The following AFG1L variants were observed in gnomAD, a reference collection of about 807,000 sequenced individuals.
AFG1L encodes AFG1-like ATPase.
Under a neutral mutation model 62.2 loss-of-function variants are expected in AFG1L, and 53 were observed. The ratio of observed to expected loss-of-function variants is 0.85; its 90% CI spans 0.68 to 1.07. The LOEUF is 1.07. AFG1L is among the 50% of genes least tolerant of loss of function. AFG1L has a pLI of 0.00. For missense variants in AFG1L, 555 were observed against 590.5 expected (o/e 0.94, Z 0.62); for synonymous variants, 228 against 210.3 (o/e 1.08, Z -0.73).
chr6:108,429,250 T>C (rs1047356441), intron 7 of AFG1L, among the ~76,000 whole-genome samples: 7 of 152,190 alleles, frequency 4.6e-5, no homozygotes, highest in African/African-American at 1.7e-4. Context: ...ACTAGGTAAT[T>C]TATAAAGGAA....
Position 108,323,896 on chromosome 6 carries a change from G to A in AFG1L, c.211G>A (p.Val71Ile), listed in dbSNP as rs186208029. ...TSETYLKALAVCHGPLDHYDF... is the reference protein window; with the variant it reads ...TSETYLKALAICHGPLDHYDF... The stretch of plus-strand genomic sequence containing the variant: ...AGAGACTTATTTGAAAGCTTTGGCC[G>A]TTTGCCATGGACCTCTGGACCACTA... The change falls in exon 2 of 13, where the codon GTT (valine) becomes ATT (isoleucine). Residue 71 changes from valine (V) to isoleucine (I), a missense_variant. By Grantham distance (29) the Val-to-Ile change is conservative (BLOSUM62 3). Coordinates refer to ENST00000368977, the MANE Select transcript of AFG1L (RefSeq NM_145315.5). 1.3e-4 allele frequency: 216 copies of A among 1,614,120 alleles called. 1 individual carries two copies. Among genetic ancestry groups the A allele is most frequent in the East Asian group, 1.2e-3 (56 of 44,880 alleles).
chr6:108,423,260 T>G (rs1770678049), intron 7 of AFG1L, among the ~76,000 whole-genome samples: 1 of 152,076 alleles, frequency 6.6e-6, no homozygotes, highest in Non-Finnish European at 1.5e-5. Context: ...CGAACCATCT[T>G]TATTAAAATG....
chr6:108,490,106 A>T (rs1188266819), intron 10 of AFG1L, among the ~76,000 whole-genome samples: 2 of 152,242 alleles, frequency 1.3e-5, no homozygotes, highest in Non-Finnish European at 2.9e-5. Context: ...TACGCCTGTA[A>T]TCCCAGCACT....
At chr6:108,415,584 T>C (rs1457669787) in intron 7 of AFG1L, among the ~76,000 whole-genome samples, 1 of 152,054 alleles carries the variant, frequency 6.6e-6, no homozygotes, top group Admixed American at 6.6e-5. Flanking sequence ...TACAGACCAA[T>C]GGAACAGAAT....
chr6:108,324,809 T>G (rs1777973798), intron 2 of AFG1L, among the ~76,000 whole-genome samples: 1 of 151,896 alleles, frequency 6.6e-6, no homozygotes, highest in Non-Finnish European at 1.5e-5. Flanking sequence ...TCGTCCTGCC[T>G]CAGCCTCCCA....
chr6:108,521,432 G>C (rs1775120448), intron 12 of AFG1L: 1 of 152,270 alleles, frequency 6.6e-6, no homozygotes, highest in African/African-American at 2.4e-5. Flanking sequence ...CCAAAAGGCA[G>C]AGGTTGCAGT....
intron 10 of AFG1L, among the ~76,000 whole-genome samples, chr6:108,507,235 C>T (rs1286153951): frequency 1.3e-5 from 2 of 152,122 alleles, no homozygotes; most frequent in Admixed American, 1.3e-4. Flanking sequence ...TTTAAGTGTA[C>T]AGTTCAGTGA....
chr6:108,510,706 G>T lies in AFG1L; in HGVS notation c.1203+354G>T, dbSNP rs930626036. On this transcript the variant is annotated intron_variant, in intron 11 of 12. Coordinates refer to ENST00000368977, the MANE Select transcript of AFG1L (RefSeq NM_145315.5). ...ACAGCTTATGCGCTTCATCTATCACGTTCTAAAACACAATGTCTTGCATAA... is the reference window on the plus strand; with the variant it reads ...ACAGCTTATGCGCTTCATCTATCACTTTCTAAAACACAATGTCTTGCATAA... Among the ~76,000 whole-genome samples the T allele has an allele frequency of 2.0e-5, 3 of 152,270 alleles. No individual in the cohort carries two copies. The East Asian group carries it at 5.8e-4, about 29-fold the overall frequency.
At chr6:108,408,019 T>G (rs975870142) in intron 7 of AFG1L, among the ~76,000 whole-genome samples, 1 of 152,184 alleles carries the variant, frequency 6.6e-6, no homozygotes, top group African/African-American at 2.4e-5. Context: ...GATTGGATGC[T>G]GCATTTAGTG....
intron 2 of AFG1L, among the ~76,000 whole-genome samples, chr6:108,327,483 G>A (rs965368575): frequency 6.6e-6 from 1 of 152,182 alleles, no homozygotes; most frequent in African/African-American, 2.4e-5. Flanking sequence ...AGTGTCTGAT[G>A]AGGGCCTGCT....
chr6:108,497,474 C>T lies in AFG1L; in HGVS notation c.1063-12738C>T, dbSNP rs930383819. Among the ~76,000 whole-genome samples, 23 of 151,590 alleles carry T rather than the reference C, an allele frequency of 1.5e-4. 1 individual carries two copies. The highest frequency in any genetic ancestry group is 5.6e-4 in the African/African-American group (23 of 41,238). On this transcript the variant is annotated intron_variant, in intron 10 of 12. Coordinates refer to ENST00000368977, the MANE Select transcript of AFG1L (RefSeq NM_145315.5). ...AATTTTAGTTTTATTGTAGTCAATCCTTGTCTCACTTAATTCCTTTTTCAT... is the reference window on the plus strand; with the variant it reads ...AATTTTAGTTTTATTGTAGTCAATCTTTGTCTCACTTAATTCCTTTTTCAT...
chr6:108,301,580 G>C (rs1349988218), intron 1 of AFG1L, among the ~76,000 whole-genome samples: 2 of 152,172 alleles, frequency 1.3e-5, no homozygotes. Flanking sequence ...TCTGACAAAA[G>C]GTGATATCTA....
intron 6 of AFG1L, among the ~76,000 whole-genome samples, chr6:108,392,890 G>A (rs1437041273): frequency 6.6e-6 from 1 of 151,980 alleles, no homozygotes; most frequent in Non-Finnish European, 1.5e-5. Context: ...TCAGCTTCTT[G>A]GTTTGACACT....
intron 7 of AFG1L, among the ~76,000 whole-genome samples, chr6:108,415,541 C>T (rs1356060778): frequency 1.3e-5 from 2 of 152,268 alleles, no homozygotes; most frequent in Non-Finnish European, 2.9e-5. Flanking sequence ...CTACAGTAAC[C>T]AAAACAGCAT....
At chr6:108,367,441 G>C (rs555451081) in intron 6 of AFG1L, among the ~76,000 whole-genome samples, 1 of 152,248 alleles carries the variant, frequency 6.6e-6, no homozygotes, top group East Asian at 1.9e-4. Context: ...GAGCAGTAAA[G>C]TGGTGAGAAG....
chr6:108,447,461 T>C (rs1393173066), intron 8 of AFG1L, among the ~76,000 whole-genome samples, 165 bp downstream of exon 8: 2 of 152,192 alleles, frequency 1.3e-5, no homozygotes, highest in East Asian at 3.8e-4. Context: ...GTCTTTACCA[T>C]CCATATTTGC....
chr6:108,413,937 A>T (rs2114667002), intron 7 of AFG1L, among the ~76,000 whole-genome samples: 1 of 152,252 alleles, frequency 6.6e-6, no homozygotes, highest in Non-Finnish European at 1.5e-5. Context: ...ACTGAAGGAG[A>T]TAGAGACACA....
At chr6:108,495,223 CT>C (rs1464132357) in intron 10 of AFG1L, among the ~76,000 whole-genome samples, 1 of 152,158 alleles carries the variant, frequency 6.6e-6, no homozygotes, top group Non-Finnish European at 1.5e-5. Flanking sequence ...AGGTACTTCT[CT>C]TTAAGATATG....
intron 2 of AFG1L, among the ~76,000 whole-genome samples, chr6:108,334,221 G>A (rs1299746553): frequency 6.6e-6 from 1 of 152,132 alleles, no homozygotes; most frequent in Non-Finnish European, 1.5e-5. Context: ...TGGCCAGGCT[G>A]GTCTCAAACT....
Sources: gnomAD v4.1 joint callset for allele counts (sites outside exome capture counted in the v4.1 genomes callset) on GRCh38, gnomAD v4.1.1 for gene constraint, MANE v1.5 for transcripts, NCBI Gene and HGNC (gene_info 2026-07-23, HGNC 2026-07-21) for gene names.